Variants in SSRP1 observed in about 807,000 individuals in gnomAD.
The protein encoded by SSRP1 is structure specific recognition protein 1.
Under a neutral mutation model 84.4 loss-of-function variants are expected in SSRP1, and 21 were observed. That is an observed-to-expected ratio of 0.25 (90% CI 0.18 to 0.36). The LOEUF (loss-of-function observed/expected upper bound fraction) is 0.36, where lower values mean the gene tolerates loss of function less well. Among genes scored for constraint, SSRP1 ranks in the 10% least tolerant of loss-of-function variants. The pLI is 1.00. For synonymous variants in SSRP1, 319 were observed against 318.3 expected, an observed-to-expected ratio of 1.00 and a Z score of -0.02; for missense variants, 519 against 900.8, an observed-to-expected ratio of 0.58 and a Z score of 5.43.
Position 57,326,441 on chromosome 11 carries a change from C to G in SSRP1, c.2096G>C (p.Ser699Thr), listed in dbSNP as rs1184960500. The G allele has an allele frequency of 1.2e-6, 2 of 1,614,162 alleles. No homozygotes were observed. The highest frequency in any genetic ancestry group is 1.1e-5 in the South Asian group (1 of 91,086). The change falls in exon 17 of 17, where the codon AGC (serine) becomes ACC (threonine). Residue 699 changes from serine to threonine, a missense_variant. Physicochemically the swap from Ser to Thr is moderately conservative, Grantham distance 58. This residue lies in a region of SSRP1 where 197 missense variants were observed against 265.0 expected (regional missense o/e 0.74). Coordinates refer to ENST00000278412, the MANE Select transcript of SSRP1 (RefSeq NM_003146.3). ...GGATCCTGACGCTGAGTCCTCTGAG[C>G]TGGGGGGAGTACTGGCTAGTTCTTC... ...EEEELASTPPSSEDSASGSDE is the reference protein window; with the variant it reads ...EEEELASTPPTSEDSASGSDE
chr11:57,327,404 G>A (rs1856007432), intron 15 of SSRP1, 22 bp downstream of exon 15: 1 of 1,602,408 alleles, frequency 6.2e-7, no homozygotes, highest in Admixed American at 1.7e-5. Flanking sequence ...ATCAGTGACT[G>A]GGCCATGTTC....
Position 57,335,175 on chromosome 11 carries a change from C to T in SSRP1, c.-54G>A. The T allele has an allele frequency of 6.2e-7, 1 of 1,604,308 alleles. No individual in the cohort carries two copies. The highest frequency in any genetic ancestry group is 8.5e-7 in the Non-Finnish European group (1 of 1,171,636). Reference sequence around the variant, plus strand: ...AGAGCCCCAGGCTGCACAAGGGAAACCAAGTAAACTGGGAGCTGGGCCCCA... The same window carrying T: ...AGAGCCCCAGGCTGCACAAGGGAAATCAAGTAAACTGGGAGCTGGGCCCCA... On this transcript the variant is annotated 5_prime_UTR_variant, in exon 2 of 17. Transcript: ENST00000278412. This position sits in a 1 kb window ranked among gnomAD's most constrained non-coding sequence, Gnocchi z 4.6.
intron 2 of SSRP1, 58 bp from the exon 3 acceptor site, chr11:57,334,706 A>G: frequency 1.3e-6 from 2 of 1,583,076 alleles, no homozygotes; most frequent in South Asian, 1.1e-5. Flanking sequence ...CCTGGGTTCT[A>G]CAGCTCTACC....
At position 57,333,168 on chromosome 11, in the gene SSRP1, T is replaced by TCCAG; in HGVS notation, c.347-23_347-20dup. The stretch of plus-strand genomic sequence containing the variant: ...AGCTGCCCTGTGAGGAAAGGGCTTA[T>TCCAG]CCAGCCACAAGCTCCTCCCCTTAAG... On this transcript the variant is annotated intron_variant, in intron 4 of 16. Coordinates refer to ENST00000278412, the MANE Select transcript of SSRP1 (RefSeq NM_003146.3). 6.3e-7 allele frequency: 1 copy of TCCAG among 1,589,636 alleles called. No homozygotes were observed. The highest frequency in any genetic ancestry group is 1.1e-5 in the South Asian group (1 of 87,918).
At position 57,330,624 on chromosome 11, in the gene SSRP1, A is replaced by C; in HGVS notation, c.1297-195T>G. On this transcript the variant is annotated intron_variant, in intron 10 of 16. Transcript: ENST00000278412. The surrounding 1 kb of genome is among the most constrained non-coding windows in gnomAD (Gnocchi z 4.0). ...TGCCAACTGGGTTAGTCCAAGCCCC[A>C]AGCCCCTCCCTCTCCCAGCCCCACT... The C allele has an allele frequency of 7.0e-7, 1 of 1,437,690 alleles. No individual in the cohort carries two copies. The highest frequency in any genetic ancestry group is 9.1e-7 in the Non-Finnish European group (1 of 1,099,206). The allele number at this position is 1,437,690 out of a possible 1,614,324, so 89.1% of individuals were successfully genotyped here. A position where few individuals can be genotyped will look rare whatever the true frequency, so the allele number is the denominator to read the frequency against.
chr11:57,328,252 C>A (rs1590605137), intron 13 of SSRP1, 45 bp downstream of exon 13: 1 of 1,603,776 alleles, frequency 6.2e-7, no homozygotes, highest in Non-Finnish European at 8.5e-7. Flanking sequence ...CCCACGCCCC[C>A]CACCCACTGC....
chr11:57,334,047 G>A (rs1411518622), intron 3 of SSRP1, among the ~76,000 whole-genome samples: 1 of 152,212 alleles, frequency 6.6e-6, no homozygotes, highest in East Asian at 1.9e-4. Context: ...CAGATACTCA[G>A]GAGGCTGAGA....
At chr11:57,331,999 G>A (rs1856102050) in intron 8 of SSRP1, 110 bp from the exon 9 acceptor site, 2 of 1,494,008 alleles carry the variant, frequency 1.3e-6, no homozygotes, top group Non-Finnish European at 1.8e-6. Context: ...AAACCTCACT[G>A]AGCTGTTCTG....
chr11:57,332,016 G>A lies in SSRP1; in HGVS notation c.1002-127C>T. The A allele has an allele frequency of 6.6e-7, 1 of 1,517,066 alleles. No individual in the cohort carries two copies. The highest frequency in any genetic ancestry group is 1.8e-5 in the Admixed American group (1 of 55,228). The allele number at this position is 1,517,066 out of a possible 1,614,324, so 94.0% of individuals were successfully genotyped here. On this transcript the variant is annotated intron_variant, in intron 8 of 16. Coordinates refer to ENST00000278412, the MANE Select transcript of SSRP1 (RefSeq NM_003146.3). The surrounding 1 kb of genome is among the most constrained non-coding windows in gnomAD (Gnocchi z 5.5). ...ACCTCACTGAGCTGTTCTGACAGAGGCGCTGGCACCTATTGTGACACAAGG... is the reference window on the plus strand; with the variant it reads ...ACCTCACTGAGCTGTTCTGACAGAGACGCTGGCACCTATTGTGACACAAGG...
In SSRP1 at chr11:57,335,200, A is replaced by G; in HGVS notation, c.-79T>C. On this transcript the variant is annotated 5_prime_UTR_variant, in exon 2 of 17. Coordinates refer to ENST00000278412, the MANE Select transcript of SSRP1 (RefSeq NM_003146.3). The surrounding 1 kb of genome is among the most constrained non-coding windows in gnomAD (Gnocchi z 4.6). ...CCAAGTAAACTGGGAGCTGGGCCCC[A>G]ACTCCTGAGTGGGTGTGCGGATGCT... is the stretch of plus-strand genomic sequence containing the variant. 2.0e-6 allele frequency: 3 copies of G among 1,477,710 alleles called. No homozygotes were observed. The South Asian group carries it at 3.4e-5, about 17-fold the overall frequency. 91.5% of individuals were successfully genotyped at this position (1,477,710 alleles called of 1,614,324 possible).
In SSRP1 at chr11:57,326,180, C is replaced by A; in HGVS notation, c.*227G>T. 1 of 588,846 alleles carries A rather than the reference C, an allele frequency of 1.7e-6. No individual in the cohort carries two copies. The highest frequency in any genetic ancestry group is 3.0e-6 in the Non-Finnish European group (1 of 330,524). The allele number at this position is 588,846 out of a possible 1,614,324, so 36.5% of individuals were successfully genotyped here. On this transcript the variant is annotated 3_prime_UTR_variant, in exon 17 of 17. Transcript: ENST00000278412. The stretch of plus-strand genomic sequence containing the variant: ...GATGAGGATTTGGATCCTGCATTGC[C>A]CTGCCTCCCACCCTATCTCTCCCCA...
Position 57,327,432 on chromosome 11 carries a change from G to C in SSRP1, c.1865C>G (p.Ser622Cys). ...CCATGTTCTCGACACTCACCTCTTA[G>C]AAGACTCGCCTCGGCCCCCTTCATA... ...KEYEGGRGES[S>C]KRDKSKKKKK... Residue 622 changes from serine (S) to cysteine (C), a missense_variant, in exon 15 of 17, where the codon TCT (serine) becomes TGT (cysteine). This residue lies in a region of SSRP1 where 197 missense variants were observed against 265.0 expected (regional missense o/e 0.74). Coordinates refer to ENST00000278412, the MANE Select transcript of SSRP1 (RefSeq NM_003146.3). 1 of 1,613,218 alleles carries C rather than the reference G, an allele frequency of 6.2e-7. No individual in the cohort carries two copies. The highest frequency in any genetic ancestry group is 8.5e-7 in the Non-Finnish European group (1 of 1,179,878).
chr11:57,327,489 G>C lies in SSRP1; in HGVS notation c.1808C>G (p.Ala603Gly), dbSNP rs764192967. Residue 603 changes from alanine (A) to glycine (G), a missense_variant, in exon 15 of 17, where the codon GCC becomes GGC. This residue lies in a region of SSRP1 where 197 missense variants were observed against 265.0 expected (regional missense o/e 0.74). Coordinates refer to ENST00000278412, the MANE Select transcript of SSRP1 (RefSeq NM_003146.3). Reference protein sequence around the residue: ...KEEWDRKAEDARRDYEKAMKE... With the variant: ...KEEWDRKAEDGRRDYEKAMKE... The stretch of plus-strand genomic sequence containing the variant: ...CATGGCTTTTTCATAGTCCCTCCTG[G>C]CATCCTCAGCCTTGCGATCCCACTC... The C allele has an allele frequency of 6.2e-7, 1 of 1,613,750 alleles. No individual in the cohort carries two copies. The highest frequency in any genetic ancestry group is 1.7e-5 in the Admixed American group (1 of 59,974).
chr11:57,327,678 T>C, intron 14 of SSRP1, 34 bp downstream of exon 14: 2 of 1,610,908 alleles, frequency 1.2e-6, no homozygotes, highest in Non-Finnish European at 8.5e-7. Flanking sequence ...CGCCAGCCCA[T>C]GAGAGGCATC....
In SSRP1 at chr11:57,332,518, C is replaced by T. The variant is rs553741376; in HGVS notation, c.769-32G>A. On this transcript the variant is annotated intron_variant, in intron 6 of 16. Coordinates refer to ENST00000278412, the MANE Select transcript of SSRP1 (RefSeq NM_003146.3). This position sits in a 1 kb window ranked among gnomAD's most constrained non-coding sequence, Gnocchi z 5.5. The stretch of plus-strand genomic sequence containing the variant: ...AGGAAGAGTACTAATTGACACTCTA[C>T]AACAACTTGCAATTAACCAACGTAG... 5 of 1,611,352 alleles carry T rather than the reference C, an allele frequency of 3.1e-6. No homozygotes were observed. The South Asian group carries it at 4.4e-5, about 14-fold the overall frequency.
rs530461088 is a variant in SSRP1, at chr11:57,334,455, C to T, written c.240+8G>A. 63 of 1,613,396 alleles carry T rather than the reference C, an allele frequency of 3.9e-5. No homozygotes were observed. In the South Asian group the frequency reaches 6.7e-4, roughly 17 times the overall value. ...AAAAAGGAGGCTTATAGCCATGGGA[C>T]ATCTCACCGATTCTCGGAAGCCATC... On this transcript the variant is annotated splice_region_variant and intron_variant, in intron 3 of 16. Coordinates refer to ENST00000278412, the MANE Select transcript of SSRP1 (RefSeq NM_003146.3).
intron 3 of SSRP1, 115 bp from the exon 4 acceptor site, chr11:57,333,655 A>T (rs1856143564): frequency 2.7e-6 from 2 of 743,296 alleles, no homozygotes; most frequent in East Asian, 5.3e-5. Flanking sequence ...GCTTTATAAG[A>T]AATCCATGCT....
chr11:57,334,745 G>A (rs1243702936), intron 2 of SSRP1, 97 bp from the exon 3 acceptor site: 1 of 1,429,690 alleles, frequency 7.0e-7, no homozygotes, highest in African/African-American at 1.4e-5. Context: ...CAAGTGGACT[G>A]GCCAGATTAT....
At chr11:57,331,023 G>C in intron 9 of SSRP1, 96 bp from the exon 10 acceptor site, 1 of 1,385,372 alleles carries the variant, frequency 7.2e-7, no homozygotes, top group South Asian at 1.2e-5. Flanking sequence ...GTAGACTGTG[G>C]AGCCTGGAGC....
Sources: gnomAD v4.1 joint callset for allele counts (sites outside exome capture counted in the v4.1 genomes callset) on GRCh38, gnomAD v4.1.1 for gene constraint, gnomAD v4.1.1 regional missense constraint, Gnocchi (gnomAD v3.1) non-coding constraint, MANE v1.5 for transcripts, NCBI Gene and HGNC (gene_info 2026-07-23, HGNC 2026-07-21) for gene names.